DMD: variants seen among roughly 807,000 people sequenced by gnomAD.
DMD encodes mutant dystrophin.
Under a neutral mutation model 330.1 loss-of-function variants are expected in DMD, and 63 were observed. The observed-to-expected ratio is 0.19, with a 90% CI of 0.16 to 0.24. The LOEUF is 0.24. Ranked by LOEUF, DMD falls within the 10% of genes least tolerant of loss-of-function variation. DMD has a pLI of 1.00. For synonymous variants in DMD, 1,223 were observed against 959.8 expected (o/e 1.27, Z -5.07); for missense variants, 3,344 against 2,684.1 (o/e 1.25, Z -5.43).
chrX:31,125,325 C>T (rs1435136369), intron 78 of DMD, among the ~76,000 whole-genome samples: 1 of 112,062 alleles, frequency 8.9e-6, no homozygotes, highest in East Asian at 2.8e-4. Flanking sequence ...GCCTACCATT[C>T]CCTCCCTGGC....
chrX:31,222,419 A>G (rs1731022568), intron 64 of DMD, among the ~76,000 whole-genome samples: 1 of 99,722 alleles, frequency 1.0e-5, no homozygotes, highest in Non-Finnish European at 2.0e-5. Flanking sequence ...AAAAAAAAAC[A>G]GAAAAAAAGA....
At chrX:32,451,802 T>C (rs1271286341) in intron 26 of DMD, among the ~76,000 whole-genome samples, 3 of 110,672 alleles carry the variant, frequency 2.7e-5, no homozygotes, top group Non-Finnish European at 5.7e-5. Context: ...TTAAAGAAAC[T>C]GTCTTGAGTA....
At chrX:32,294,544 T>A (rs1050107778) in intron 42 of DMD, among the ~76,000 whole-genome samples, 2 of 111,907 alleles carry the variant, frequency 1.8e-5, no homozygotes, top group African/African-American at 6.5e-5. Flanking sequence ...TTGCTCAGCA[T>A]CAAGTTATGA....
At chrX:33,041,368 C>G in intron 1 of DMD, 1 of 1,178,500 alleles carries the variant, frequency 8.5e-7, no homozygotes, top group South Asian at 1.8e-5. Context: ...GCTTTCCGCC[C>G]CTCCTTCTCG....
chrX:33,109,677 C>G (rs2095324281), intron 1 of DMD, among the ~76,000 whole-genome samples: 1 of 111,624 alleles, frequency 9.0e-6, no homozygotes, highest in South Asian at 3.8e-4. Context: ...TGATCGTTGT[C>G]TGAAAACAAC....
intron 16 of DMD, among the ~76,000 whole-genome samples, chrX:32,556,718 T>G (rs897307832): frequency 3.6e-5 from 4 of 111,862 alleles, no homozygotes; most frequent in Admixed American, 1.9e-4. Context: ...TAATAAATTT[T>G]CCTTTTATTT....
At chrX:31,461,854 T>G (rs776306785) in intron 59 of DMD, among the ~76,000 whole-genome samples, 91 of 111,779 alleles carry the variant, frequency 8.1e-4, no homozygotes, top group Non-Finnish European at 1.4e-3. Flanking sequence ...ATCCTTCAGC[T>G]GCTGTGATGG....
chrX:32,893,082 T>C (rs1424267850), intron 2 of DMD, among the ~76,000 whole-genome samples: 1 of 112,271 alleles, frequency 8.9e-6, no homozygotes, highest in Non-Finnish European at 1.9e-5. Flanking sequence ...TCCCATGACG[T>C]GATAGATCAG....
At chrX:32,200,345 A>G (rs1044395746) in intron 44 of DMD, among the ~76,000 whole-genome samples, 4 of 112,227 alleles carry the variant, frequency 3.6e-5, no homozygotes, top group Admixed American at 1.9e-4. Context: ...GACTTTGTAA[A>G]GCAAAAATAA....
intron 29 of DMD, among the ~76,000 whole-genome samples, chrX:32,416,052 T>C (rs1395795291): frequency 9.0e-6 from 1 of 111,680 alleles, no homozygotes; most frequent in Non-Finnish European, 1.9e-5. Context: ...TACAAACACA[T>C]AAATCAAAGT....
At chrX:32,476,069 C>G (rs1299588093) in intron 21 of DMD, among the ~76,000 whole-genome samples, 1 of 111,151 alleles carries the variant, frequency 9.0e-6, no homozygotes. Flanking sequence ...GTCATTTCAG[C>G]AAATGATCTA....
chrX:32,519,276 A>C (rs1274020950), intron 17 of DMD, among the ~76,000 whole-genome samples: 1 of 108,975 alleles, frequency 9.2e-6, no homozygotes, highest in East Asian at 2.8e-4. Context: ...AAAAAAAAAA[A>C]AAAAAAAATC....
chrX:32,810,806 T>A (rs1218402827), intron 6 of DMD, among the ~76,000 whole-genome samples: 1 of 111,620 alleles, frequency 9.0e-6, no homozygotes, highest in African/African-American at 3.3e-5. Context: ...GAAGTACAAA[T>A]TACGTATTTC....
intron 1 of DMD, among the ~76,000 whole-genome samples, chrX:33,314,590 C>CTA (rs2053905693): frequency 2.7e-5 from 1 of 37,509 alleles, no homozygotes; most frequent in African/African-American, 9.5e-5. Flanking sequence ...TTTTTTTTAT[C>CTA]TTTCTTAGAG....
In DMD at chrX:32,518,010, T is replaced by C; in HGVS notation, c.2290A>G (p.Asn764Asp). 3 of 1,210,894 alleles carry C rather than the reference T, an allele frequency of 2.5e-6. No homozygotes were observed. Among genetic ancestry groups the C allele is most frequent in the African/African-American group, 1.7e-5 (1 of 57,803 alleles). Residue 764 changes from asparagine (N) to aspartate (D), a missense_variant and splice_region_variant, in exon 18 of 79, where the codon AAT becomes GAT. Physicochemically the swap from Asn to Asp is conservative, Grantham distance 23 (BLOSUM62 1). Transcript: ENST00000357033. ...ATAAAAATTAATGCATAACCTACAT[T>C]GACTTTTTCTTTTAAGTCTGAGAAG... is the stretch of plus-strand genomic sequence containing the variant. ...GNFSDLKEKV[N>D]AIEREKAEKF... is the part of the protein sequence containing the mutation.
At chrX:32,614,192 CTT>C in intron 12 of DMD, 109 bp downstream of exon 12, 2 of 815,585 alleles carry the variant, frequency 2.5e-6, no homozygotes, top group Non-Finnish European at 3.5e-6. Flanking sequence ...ATATGGCTGA[CTT>C]TAAGTTTTAA....
At chrX:33,133,704 G>T (rs2095511424) in intron 1 of DMD, among the ~76,000 whole-genome samples, 1 of 111,909 alleles carries the variant, frequency 8.9e-6, no homozygotes, top group African/African-American at 3.2e-5. Context: ...TTTCATTTCA[G>T]TAACTAAGTT....
intron 59 of DMD, among the ~76,000 whole-genome samples, chrX:31,453,788 A>AC (rs1325628798): frequency 4.8e-5 from 5 of 105,005 alleles, no homozygotes; most frequent in African/African-American, 1.7e-4. Flanking sequence ...AAAAAAAAAA[A>AC]AACCACAAAA....
intron 59 of DMD, among the ~76,000 whole-genome samples, chrX:31,450,175 T>C (rs946931905): frequency 9.0e-6 from 1 of 111,536 alleles, no homozygotes; most frequent in South Asian, 3.8e-4. Flanking sequence ...GAGCTAGTCA[T>C]GAGAAGGCAA....
Sources: allele counts gnomAD v4.1 joint callset (sites outside exome capture counted in the v4.1 genomes callset), GRCh38; gene constraint gnomAD v4.1.1; transcripts MANE v1.5; gene names NCBI Gene and HGNC (gene_info 2026-07-23, HGNC 2026-07-21).